Variants in IL12A observed in about 807,000 individuals in gnomAD.
The protein encoded by IL12A is interleukin-12 subunit alpha.
A neutral mutation model predicts 23.5 loss-of-function variants in IL12A; 16 were observed. The ratio of observed to expected loss-of-function variants is 0.68; its 90% confidence interval spans 0.46 to 1.03. The LOEUF (loss-of-function observed/expected upper bound fraction) is 1.03. IL12A is among the 50% of genes least tolerant of loss of function. The pLI is 0.00. For synonymous variants in IL12A, 106 were observed against 111.5 expected (o/e 0.95, Z 0.31); for missense variants, 275 against 307.0 (o/e 0.90, Z 0.78).
chr3:159,990,041 G>A, intron 1 of IL12A, 126 bp from the exon 2 acceptor site: 1 of 892,592 alleles, frequency 1.1e-6, no homozygotes, highest in East Asian at 2.5e-5. Flanking sequence ...GAAAAGTGTT[G>A]GAAATGGGTT....
intron 5 of IL12A, 22 bp from the exon 6 acceptor site, chr3:159,993,679 C>A (rs777190597): frequency 1.2e-6 from 2 of 1,614,122 alleles, no homozygotes; most frequent in Admixed American, 3.3e-5. Context: ...TGGATACTTC[C>A]CCATCTTGTC....
intron 6 of IL12A, 101 bp from the exon 7 acceptor site, chr3:159,995,303 G>A: frequency 1.2e-6 from 1 of 844,588 alleles, no homozygotes; most frequent in South Asian, 2.0e-5. Flanking sequence ...AAGGGACTGA[G>A]TTGCAGGCTC....
rs759427203 is a variant in IL12A, at chr3:159,989,209, C to G, written c.118+35C>G. On this transcript the variant is annotated intron_variant, in intron 1 of 6. Transcript: ENST00000305579. Reference sequence around the variant, plus strand: ...CAGCCCGCCAGGTCTTTGGCTCGCTCGGGTGCGGAGGGGCGGCTGCTTGGG... The same window carrying G: ...CAGCCCGCCAGGTCTTTGGCTCGCTGGGGTGCGGAGGGGCGGCTGCTTGGG... 5 of 1,562,854 alleles carry G rather than the reference C, an allele frequency of 3.2e-6. No homozygotes were observed. The Admixed American group carries it at 6.7e-5, about 21-fold the overall frequency.
In IL12A at chr3:159,995,447, T is replaced by C; in HGVS notation, c.650T>C (p.Leu217Pro). Residue 217 changes from leucine to proline, a missense_variant, in exon 7 of 7, where the codon CTT becomes CCT. Coordinates refer to ENST00000305579, the MANE Select transcript of IL12A (RefSeq NM_000882.4). ...GAGACTGTGCCACAAAAATCCTCCC[T>C]TGAAGAACCGGATTTTTATAAAACT... The C allele has an allele frequency of 6.2e-7, 1 of 1,608,560 alleles. No homozygotes were observed. Among genetic ancestry groups the C allele is most frequent in the Non-Finnish European group, 8.5e-7 (1 of 1,177,814 alleles).
intron 6 of IL12A, 117 bp downstream of exon 6, chr3:159,993,961 T>A: frequency 1.0e-6 from 1 of 985,874 alleles, no homozygotes; most frequent in Non-Finnish European, 1.5e-6. Context: ...CTGACAGACC[T>A]ACATTTTCAA....
At position 159,995,547 on chromosome 3, in the gene IL12A, G is replaced by T; in HGVS notation, c.750G>T (p.Leu250=). The T allele has an allele frequency of 6.3e-7, 1 of 1,586,956 alleles. No individual in the cohort carries two copies. Among genetic ancestry groups the T allele is most frequent in the South Asian group, 1.2e-5 (1 of 85,230 alleles). ...CTATTGATAGAGTGATGAGCTATCT[G>T]AATGCTTCCTAAAAAGCGAGGTCCC... Residue 250 remains leucine, a synonymous_variant, in exon 7 of 7, where the codon CTG becomes CTT. Coordinates refer to ENST00000305579, the MANE Select transcript of IL12A (RefSeq NM_000882.4).
intron 2 of IL12A, among the ~76,000 whole-genome samples, chr3:159,990,924 C>G (rs971711439): frequency 2.0e-5 from 3 of 152,234 alleles, no homozygotes; most frequent in African/African-American, 7.2e-5. Flanking sequence ...CCAGTAGCTA[C>G]TGCTGCAAAG....
At chr3:159,992,239 C>G (rs1413201475) in intron 2 of IL12A, among the ~76,000 whole-genome samples, 1 of 152,176 alleles carries the variant, frequency 6.6e-6, no homozygotes, top group Non-Finnish European at 1.5e-5. Flanking sequence ...GCTTCCCTTC[C>G]TGCCCCTCCT....
At position 159,988,950 on chromosome 3, in the gene IL12A, C is replaced by G. The variant is rs1720197677; in HGVS notation, c.-107C>G. 2 of 974,674 alleles carry G rather than the reference C, an allele frequency of 2.1e-6. No homozygotes were observed. The highest frequency in any genetic ancestry group is 2.0e-5 in the Admixed American group (1 of 48,882). 60.4% of individuals were successfully genotyped at this position (974,674 alleles called of 1,614,324 possible). On this transcript the variant is annotated 5_prime_UTR_variant, in exon 1 of 7. Transcript: ENST00000305579. Reference sequence around the variant, plus strand: ...CGCAAGCCCCGCGGGCCGGCCGCACCGCACGTGTCACCGAGAAGCTGATGT... The same window carrying G: ...CGCAAGCCCCGCGGGCCGGCCGCACGGCACGTGTCACCGAGAAGCTGATGT...
intron 2 of IL12A, 154 bp downstream of exon 2, chr3:159,990,466 C>A: frequency 1.4e-6 from 1 of 710,166 alleles, no homozygotes; most frequent in Non-Finnish European, 2.3e-6. Context: ...ACAAATGGCC[C>A]AAGTGTTAAA....
intron 5 of IL12A, 21 bp from the exon 6 acceptor site, chr3:159,993,680 C>T (rs1720397418): frequency 6.2e-7 from 1 of 1,613,988 alleles, no homozygotes; most frequent in Non-Finnish European, 8.5e-7. Flanking sequence ...GGATACTTCC[C>T]CATCTTGTCA....
chr3:159,992,169 C>T (rs1022844080), intron 2 of IL12A, among the ~76,000 whole-genome samples: 2 of 152,182 alleles, frequency 1.3e-5, no homozygotes, highest in South Asian at 2.1e-4. Flanking sequence ...TGAAATTTCC[C>T]TCCTCCATTG....
chr3:159,990,123 G>T, intron 1 of IL12A, 44 bp from the exon 2 acceptor site: 1 of 1,603,766 alleles, frequency 6.2e-7, no homozygotes. Flanking sequence ...GTGCAGGCAG[G>T]CCATCCAGGC....
At position 159,995,690 on chromosome 3, in the gene IL12A, A is replaced by G. The variant is rs1401364548; in HGVS notation, c.*131A>G. 3 of 560,050 alleles carry G rather than the reference A, an allele frequency of 5.4e-6. No individual in the cohort carries two copies. The highest frequency in any genetic ancestry group is 9.0e-6 in the Non-Finnish European group (3 of 333,606). 34.7% of individuals were successfully genotyped at this position (560,050 alleles called of 1,614,324 possible). A position where few individuals can be genotyped will look rare whatever the true frequency, so the allele number is the denominator to read the frequency against. On this transcript the variant is annotated 3_prime_UTR_variant, in exon 7 of 7. Coordinates refer to ENST00000305579, the MANE Select transcript of IL12A (RefSeq NM_000882.4). ...CTATTACATCCACATGATACCTCTG[A>G]TCAAGTATTTTTGACATTTACTGTG...
chr3:159,990,412 G>T lies in IL12A; in HGVS notation c.264+100G>T, dbSNP rs988778763. The T allele has an allele frequency of 4.2e-5, 54 of 1,272,504 alleles. No individual in the cohort carries two copies. The South Asian group carries it at 7.1e-4, about 17-fold the overall frequency. 78.8% of individuals were successfully genotyped at this position (1,272,504 alleles called of 1,614,324 possible). ...TACCTGATGGAACTGCAGAGAAATT[G>T]TGGAAGTTCATTAGCAGCTGTCAAC... On this transcript the variant is annotated intron_variant, in intron 2 of 6. Transcript: ENST00000305579.
rs945457343 is a variant in IL12A, at chr3:159,995,526, T to G, written c.729T>G (p.Ile243Met). ...CTTTCAGAATTCGGGCAGTGACTAT[T>G]GATAGAGTGATGAGCTATCTGAATG... The change falls in exon 7 of 7, where the codon ATT becomes ATG. Residue 243 changes from isoleucine (I) to methionine (M), a missense_variant. By Grantham distance (10) the Ile-to-Met change is conservative. Transcript: ENST00000305579. The G allele has an allele frequency of 2.5e-6, 4 of 1,608,986 alleles. No individual in the cohort carries two copies. The highest frequency in any genetic ancestry group is 3.4e-6 in the Non-Finnish European group (4 of 1,178,082).
Position 159,995,823 on chromosome 3 carries a change from T to C in IL12A, c.*264T>C, listed in dbSNP as rs1720488009. ...TAGAAGGGCAAATATTTATAAGCTATTTCTGTACCAAAGTGTTTGTGGAAA... is the reference window on the plus strand; with the variant it reads ...TAGAAGGGCAAATATTTATAAGCTACTTCTGTACCAAAGTGTTTGTGGAAA... On this transcript the variant is annotated 3_prime_UTR_variant, in exon 7 of 7. Transcript: ENST00000305579. 4.1e-6 allele frequency: 1 copy of C among 246,900 alleles called. No individual in the cohort carries two copies. Among genetic ancestry groups the C allele is most frequent in the African/African-American group, 2.2e-5 (1 of 44,926 alleles). The allele number at this position is 246,900 out of a possible 1,614,324, so 15.3% of individuals were successfully genotyped here. A position where few individuals can be genotyped will look rare whatever the true frequency, so the allele number is the denominator to read the frequency against.
chr3:159,993,810 A>G lies in IL12A; in HGVS notation c.572A>G (p.Gln191Arg), dbSNP rs574173919. 60 of 1,614,190 alleles carry G rather than the reference A, an allele frequency of 3.7e-5. No individual in the cohort carries two copies. The highest frequency in any genetic ancestry group is 4.9e-5 in the Non-Finnish European group (58 of 1,180,012). Residue 191 changes from glutamine (Q) to arginine (R), a missense_variant, in exon 6 of 7, where the codon CAA becomes CGA. By Grantham distance (43) the Gln-to-Arg change is conservative. Transcript: ENST00000305579. ...CCTAAGAGGCAGATCTTTCTAGATCAAAACATGCTGGCAGTTATTGATGAG... is the reference window on the plus strand; with the variant it reads ...CCTAAGAGGCAGATCTTTCTAGATCGAAACATGCTGGCAGTTATTGATGAG...
rs773136641 is a variant in IL12A, at chr3:159,993,806, G to C, written c.568G>C (p.Asp190His). 6.2e-7 allele frequency: 1 copy of C among 1,614,162 alleles called. No homozygotes were observed. The highest frequency in any genetic ancestry group is 1.7e-5 in the Admixed American group (1 of 60,028). Residue 190 changes from aspartate (D) to histidine (H), a missense_variant, in exon 6 of 7, where the codon GAT becomes CAT. Asp to His is a moderately conservative substitution (Grantham distance 81). Coordinates refer to ENST00000305579, the MANE Select transcript of IL12A (RefSeq NM_000882.4). The stretch of plus-strand genomic sequence containing the variant: ...GGATCCTAAGAGGCAGATCTTTCTA[G>C]ATCAAAACATGCTGGCAGTTATTGA...
Sources: gnomAD v4.1 joint callset for allele counts (sites outside exome capture counted in the v4.1 genomes callset) on GRCh38, gnomAD v4.1.1 for gene constraint, MANE v1.5 for transcripts, NCBI Gene and HGNC (gene_info 2026-07-23, HGNC 2026-07-21) for gene names.